SCML4: variants seen among roughly 807,000 people sequenced by gnomAD.
The protein encoded by SCML4 is Scm polycomb group protein like 4, also known as sex comb on midleg-like protein 4.
Under a neutral mutation model 41.1 loss-of-function variants are expected in SCML4, and 34 were observed. The observed-to-expected ratio is 0.83, with a 90% confidence interval of 0.63 to 1.10. The LOEUF is 1.10. Among genes scored for constraint, SCML4 ranks in the 50% least tolerant of loss-of-function variants. The pLI is 0.00. For synonymous variants in SCML4, 214 were observed against 220.9 expected, an observed-to-expected ratio of 0.97 and a Z score of 0.28; for missense variants, 522 against 534.1, an observed-to-expected ratio of 0.98 and a Z score of 0.22.
chr6:107,776,471 T>C (rs1780957829), intron 1 of SCML4, among the ~76,000 whole-genome samples: 1 of 151,688 alleles, frequency 6.6e-6, no homozygotes, highest in African/African-American at 2.4e-5. Flanking sequence ...AGGTGAATTA[T>C]TACAAGAAAA....
intron 1 of SCML4, among the ~76,000 whole-genome samples, chr6:107,806,803 A>ATCAC (rs1461108896): frequency 6.6e-6 from 1 of 152,254 alleles, no homozygotes; most frequent in African/African-American, 2.4e-5. Flanking sequence ...CCAAAGCTGC[A>ATCAC]TCACTGACCC....
At chr6:107,761,727 A>G (rs10081111) in intron 2 of SCML4, among the ~76,000 whole-genome samples, 110,577 of 151,756 alleles carry the variant, frequency 0.73, 41,801 homozygotes, top group East Asian at 0.9. Context: ...ATGAGCCACT[A>G]TACCCGGCAA....
At chr6:107,721,947 A>G (rs75194716) in intron 5 of SCML4, among the ~76,000 whole-genome samples, 3,800 of 151,538 alleles carry the variant, frequency 0.025, 92 homozygotes, top group African/African-American at 0.06. Context: ...CAACCTCATC[A>G]TCAGCGCCTC....
At chr6:107,778,375 A>T (rs1687831412) in intron 1 of SCML4, among the ~76,000 whole-genome samples, 1 of 150,910 alleles carries the variant, frequency 6.6e-6, no homozygotes, top group African/African-American at 2.4e-5. Context: ...GTCAGATTTG[A>T]AAGCCATCTT....
At chr6:107,836,373 T>TCTCC in the SCML4 span, among the ~76,000 whole-genome samples, 1 of 152,064 alleles carries the variant, frequency 6.6e-6, no homozygotes, top group South Asian at 2.1e-4. Context: ...GCTCTCTGTC[T>TCTCC]CTCCCACCCA....
the SCML4 span, among the ~76,000 whole-genome samples, chr6:107,837,695 T>C: frequency 8.7e-3 from 1,326 of 152,176 alleles, 53 homozygotes; most frequent in East Asian, 0.13. Context: ...TGGAAAGCTA[T>C]TTTCCCTAAG....
Position 107,772,222 on chromosome 6 carries a change from A to C in SCML4, c.106T>G (p.Leu36Val). ...HNLYSASAGSLPAVKIPKKRG... is the reference protein window; with the variant it reads ...HNLYSASAGSVPAVKIPKKRG... Reference sequence around the variant, plus strand: ...TTCTTTGGGATCTTCACTGCTGGTAAAGAGCCAGCTGAAGCAGAATAAAGG... The same window carrying C: ...TTCTTTGGGATCTTCACTGCTGGTACAGAGCCAGCTGAAGCAGAATAAAGG... The change falls in exon 2 of 8, where the codon TTA becomes GTA. Residue 36 changes from leucine to valine, a missense_variant. Leu to Val is a conservative substitution (Grantham distance 32, BLOSUM62 1). Transcript: ENST00000369020. The C allele has an allele frequency of 6.4e-7, 1 of 1,551,572 alleles. No homozygotes were observed. Among genetic ancestry groups the C allele is most frequent in the South Asian group, 1.2e-5 (1 of 84,052 alleles).
intron 1 of SCML4, among the ~76,000 whole-genome samples, chr6:107,775,160 T>C (rs1442485038): frequency 3.3e-5 from 5 of 152,160 alleles, no homozygotes; most frequent in African/African-American, 1.2e-4. Context: ...GTCACCATGG[T>C]GGCATTTTTT....
At chr6:107,764,796 G>A (rs1413964141) in intron 2 of SCML4, among the ~76,000 whole-genome samples, 2 of 152,118 alleles carry the variant, frequency 1.3e-5, no homozygotes, top group East Asian at 1.9e-4. Flanking sequence ...ACTGAATCAT[G>A]GGGGTAATTT....
At chr6:107,805,917 C>T (rs1783687033) in intron 1 of SCML4, among the ~76,000 whole-genome samples, 1 of 152,184 alleles carries the variant, frequency 6.6e-6, no homozygotes, top group Non-Finnish European at 1.5e-5. Flanking sequence ...TGGGGAGTCA[C>T]AGAGCCTGGG....
chr6:107,802,649 A>C (rs1783261114), intron 1 of SCML4, among the ~76,000 whole-genome samples: 2 of 119,536 alleles, frequency 1.7e-5, no homozygotes, highest in Non-Finnish European at 1.8e-5. Flanking sequence ...GAAAATTGGA[A>C]AGGCTCCTCC....
chr6:107,803,425 T>TG (rs1272489870), intron 1 of SCML4, among the ~76,000 whole-genome samples: 7 of 134,990 alleles, frequency 5.2e-5, no homozygotes, highest in African/African-American at 9.2e-5. Context: ...GGGAGGGAGG[T>TG]GGGGGGGTCA....
At chr6:107,719,086 C>G (rs1287763712) in intron 6 of SCML4, 1 of 152,194 alleles carries the variant, frequency 6.6e-6, no homozygotes, top group Non-Finnish European at 1.5e-5. Flanking sequence ...AGATCTTGTC[C>G]CTTTCTCTTG....
At chr6:107,803,084 C>T (rs1783352081) in intron 1 of SCML4, among the ~76,000 whole-genome samples, 3 of 151,952 alleles carry the variant, frequency 2.0e-5, no homozygotes, top group South Asian at 4.2e-4. Context: ...GGCGTGATCT[C>T]GGCTCGCTAC....
At chr6:107,775,464 C>T (rs1040995518) in intron 1 of SCML4, among the ~76,000 whole-genome samples, 6 of 152,340 alleles carry the variant, frequency 3.9e-5, no homozygotes, top group African/African-American at 1.4e-4. Flanking sequence ...TATCTGTCTT[C>T]TGCCAGCATC....
intron 1 of SCML4, among the ~76,000 whole-genome samples, chr6:107,776,088 G>A (rs553338020): frequency 7.1e-4 from 108 of 152,130 alleles, no homozygotes; most frequent in Middle Eastern, 6.8e-3. Flanking sequence ...TCTCGGAATG[G>A]GGATGAGCTT....
At chr6:107,764,316 C>T (rs564797995) in intron 2 of SCML4, among the ~76,000 whole-genome samples, 57 of 152,304 alleles carry the variant, frequency 3.7e-4, no homozygotes, top group African/African-American at 1.4e-3. Context: ...ATCTGGGATT[C>T]TAATTAAATA....
upstream of SCML4, among the ~76,000 whole-genome samples, chr6:107,826,228 G>C (rs1308091564): frequency 1.3e-5 from 2 of 148,726 alleles, no homozygotes; most frequent in African/African-American, 2.5e-5. Context: ...TGGGTGACAA[G>C]AGTGAAATTC....
intron 1 of SCML4, among the ~76,000 whole-genome samples, chr6:107,815,975 C>T (rs1784527912): frequency 6.6e-6 from 1 of 152,228 alleles, no homozygotes; most frequent in Non-Finnish European, 1.5e-5. Context: ...CCTGCAGCAG[C>T]CCTGCCAGGC....
Sources: gnomAD v4.1 joint callset for allele counts (sites outside exome capture counted in the v4.1 genomes callset) on GRCh38, gnomAD v4.1.1 for gene constraint, MANE v1.5 for transcripts, NCBI Gene and HGNC (gene_info 2026-07-23, HGNC 2026-07-21) for gene names.